Variants in ACTN4 observed in about 807,000 individuals in gnomAD.
The protein encoded by ACTN4 is actinin alpha 4.
ACTN4 carries 18 observed loss-of-function variants against 114.2 expected under a neutral mutation model. The observed-to-expected ratio is 0.16, with a 90% CI of 0.11 to 0.23. ACTN4 has a LOEUF of 0.23. Among genes scored for constraint, ACTN4 ranks in the 10% least tolerant of loss-of-function variants. ACTN4 has a pLI of 1.00. For missense variants in ACTN4, 722 were observed against 1,262.9 expected (o/e 0.57, Z 6.49); for synonymous variants, 515 against 506.3 (o/e 1.02, Z -0.23).
rs563664489 is a variant in ACTN4 at position 38,731,140 on chromosome 19, C to T, written c.*1708C>T. On this transcript the variant is annotated 3_prime_UTR_variant, in exon 21 of 21. Coordinates refer to ENST00000252699, the MANE Select transcript of ACTN4 (RefSeq NM_004924.6). ...CAGGTGAGGTGGGCCACACAGGACA[C>T]GAACCGCTCGAAGTCCACACGCAGA... 88 of 1,612,866 alleles carry T rather than the reference C, an allele frequency of 5.5e-5. No individual in the cohort carries two copies. The highest frequency in any genetic ancestry group is 1.9e-4 in the South Asian group (17 of 90,996).
intron 1 of ACTN4, among the ~76,000 whole-genome samples, chr19:38,671,313 TTTTG>T (rs2144882266): frequency 6.6e-6 from 1 of 152,340 alleles, no homozygotes; most frequent in South Asian, 2.1e-4. Context: ...TGGAAAGTTT[TTTTG>T]TTTGTTTGTT....
rs1599862350 is a variant in ACTN4 at position 38,727,281 on chromosome 19, A to G, written c.2337+178A>G. Among the ~76,000 whole-genome samples the G allele has an allele frequency of 6.6e-6, 1 of 152,020 alleles. No homozygotes were observed. Among genetic ancestry groups the G allele is most frequent in the East Asian group, 1.9e-4 (1 of 5,168 alleles). ...TGTAGGTGTGCGGCACCAAGACCCC[A>G]GCCTGGGCCACTTCACACGCACAGG... is the stretch of plus-strand genomic sequence containing the variant. On this transcript the variant is annotated intron_variant, in intron 18 of 20. Transcript: ENST00000252699. This position sits in a 1 kb window ranked among gnomAD's most constrained non-coding sequence, Gnocchi z 5.4.
intron 1 of ACTN4, among the ~76,000 whole-genome samples, chr19:38,682,791 G>A (rs1372411169): frequency 2.6e-5 from 4 of 152,092 alleles, no homozygotes; most frequent in African/African-American, 7.2e-5. Context: ...CACCAGGCCC[G>A]AGTTCCCACC....
chr19:38,688,632 T>C (rs1366348285), intron 1 of ACTN4, among the ~76,000 whole-genome samples: 1 of 151,570 alleles, frequency 6.6e-6, no homozygotes, highest in Admixed American at 6.6e-5. Context: ...GAGGCTGAGG[T>C]GGGCAGATTG....
At chr19:38,710,815 T>A in intron 8 of ACTN4, 1 of 276,388 alleles carries the variant, frequency 3.6e-6, no homozygotes, top group Non-Finnish European at 7.2e-6. Context: ...ACGAAGGCCC[T>A]GAGACAGGAA....
chr19:38,662,256 A>G (rs1159838751), intron 1 of ACTN4, among the ~76,000 whole-genome samples: 6 of 152,212 alleles, frequency 3.9e-5, no homozygotes, highest in Admixed American at 3.3e-4. Flanking sequence ...GAGGAACAGC[A>G]ACAGGGAGCT....
At chr19:38,688,513 T>C (rs926745625) in intron 1 of ACTN4, among the ~76,000 whole-genome samples, 12 of 150,726 alleles carry the variant, frequency 8.0e-5, no homozygotes, top group Admixed American at 4.0e-4. Context: ...AGAGGTTGCA[T>C]TGAGCCGAGA....
chr19:38,728,443 CCTCCTCCCCCCCACCT>C (rs1969332513), intron 19 of ACTN4: 1 of 1,084,044 alleles, frequency 9.2e-7, no homozygotes, highest in African/African-American at 1.7e-5. Flanking sequence ...TCCTCCTCCT[CCTCCTCCCCCCCACCT>C]CTCCCCCTCA....
At chr19:38,723,237 C>T (rs1969108626) in intron 12 of ACTN4, among the ~76,000 whole-genome samples, 1 of 152,176 alleles carries the variant, frequency 6.6e-6, no homozygotes, top group Admixed American at 6.5e-5. Flanking sequence ...CGCCTGCTCC[C>T]CATGTCCTGT....
chr19:38,670,036 G>A (rs1343447295), intron 1 of ACTN4, among the ~76,000 whole-genome samples: 1 of 152,158 alleles, frequency 6.6e-6, no homozygotes, highest in Non-Finnish European at 1.5e-5. Flanking sequence ...GCTGAAGGGG[G>A]TCGTTCCTCA....
Position 38,708,138 on chromosome 19 carries a change from C to T in ACTN4, c.594C>T (p.Phe198=). ...FHISWKDGLA[F]NALIHRHRPE... ...CCAGCTGGAAGGATGGTCTTGCCTTCAATGCCCTGATCCACCGGCACAGAC... is the reference window on the plus strand; with the variant it reads ...CCAGCTGGAAGGATGGTCTTGCCTTTAATGCCCTGATCCACCGGCACAGAC... The change falls in exon 6 of 21, where the codon TTC becomes TTT. Residue 198 remains phenylalanine, a synonymous_variant. Transcript: ENST00000252699. 6.2e-7 allele frequency: 1 copy of T among 1,614,198 alleles called. No individual in the cohort carries two copies. Among genetic ancestry groups the T allele is most frequent in the Non-Finnish European group, 8.5e-7 (1 of 1,180,016 alleles).
Position 38,730,677 on chromosome 19 carries a change from CTGAG to C in ACTN4, c.*1250_*1253del, listed in dbSNP as rs1211503488. ...AGAAGGGCTGTCGCTGTTCTTGTTT[CTGAG>C]TGAGGAGTACGCAGGCCAGAGTGGT... is the stretch of plus-strand genomic sequence containing the variant. On this transcript the variant is annotated 3_prime_UTR_variant, in exon 21 of 21. Transcript: ENST00000252699. 2.9e-6 allele frequency: 2 copies of C among 700,544 alleles called. No individual in the cohort carries two copies. Among genetic ancestry groups the C allele is most frequent in the African/African-American group, 3.5e-5 (2 of 56,442 alleles). 43.4% of individuals were successfully genotyped at this position (700,544 alleles called of 1,614,324 possible).
At chr19:38,696,938 G>C (rs1299921931) in intron 1 of ACTN4, among the ~76,000 whole-genome samples, 1 of 152,228 alleles carries the variant, frequency 6.6e-6, no homozygotes, top group Non-Finnish European at 1.5e-5. Flanking sequence ...ACCTTCCTTT[G>C]ACATGCATTT....
chr19:38,706,788 G>C (rs930336584), intron 5 of ACTN4, among the ~76,000 whole-genome samples: 6 of 152,154 alleles, frequency 3.9e-5, no homozygotes, highest in Admixed American at 6.6e-5. Context: ...TTAGTGTTGG[G>C]GAAAAATGTA....
intron 8 of ACTN4, chr19:38,710,706 G>C: frequency 2.7e-6 from 1 of 368,014 alleles, no homozygotes; most frequent in South Asian, 2.2e-5. Context: ...CCTTCAGCTG[G>C]TGCTGTCAAT....
At chr19:38,667,636 A>C (rs1375212165) in intron 1 of ACTN4, among the ~76,000 whole-genome samples, 2 of 151,706 alleles carry the variant, frequency 1.3e-5, no homozygotes, top group Admixed American at 6.6e-5. Context: ...CACTAGGTGC[A>C]CGGTGCCCCA....
intron 9 of ACTN4, among the ~76,000 whole-genome samples, chr19:38,716,642 G>A (rs1470364417): frequency 2.0e-5 from 3 of 152,204 alleles, no homozygotes; most frequent in Non-Finnish European, 4.4e-5. Context: ...GACCAGCCTG[G>A]GCAGTATACT....
chr19:38,660,530 G>A (rs1177480041), intron 1 of ACTN4, among the ~76,000 whole-genome samples: 2 of 152,080 alleles, frequency 1.3e-5, no homozygotes, highest in Admixed American at 6.6e-5. Flanking sequence ...CGAGTAGCTG[G>A]GATTACAGGC....
intron 3 of ACTN4, among the ~76,000 whole-genome samples, chr19:38,704,554 C>T (rs925037950): frequency 1.3e-5 from 2 of 152,258 alleles, no homozygotes; most frequent in African/African-American, 4.8e-5. Context: ...TCAGGAGGTA[C>T]GCAGATTACG....
Sources: gnomAD v4.1 joint callset for allele counts (sites outside exome capture counted in the v4.1 genomes callset) on GRCh38, gnomAD v4.1.1 for gene constraint, Gnocchi (gnomAD v3.1) non-coding constraint, MANE v1.5 for transcripts, NCBI Gene and HGNC (gene_info 2026-07-23, HGNC 2026-07-21) for gene names.